CLUH: variants seen among roughly 807,000 people sequenced by gnomAD.
CLUH encodes CLUH binding protein of NUMT mRNA.
Under a neutral mutation model 139.3 loss-of-function variants are expected in CLUH, and 77 were observed. The observed-to-expected ratio is 0.55, with a 90% CI of 0.46 to 0.67. CLUH has a LOEUF of 0.67. Ranked by LOEUF, CLUH falls within the 30% of genes least tolerant of loss-of-function variation. CLUH has a pLI of 0.00. For missense variants in CLUH, 1,876 were observed against 1,875.8 expected (o/e 1.00, Z 0.00); for synonymous variants, 999 against 801.6 (o/e 1.25, Z -4.16).
At chr17:2,690,855 G>A (rs1358626136) in intron 25 of CLUH, 78 bp from the exon 26 acceptor site, 1 of 1,191,792 alleles carries the variant, frequency 8.4e-7, no homozygotes, top group Non-Finnish European at 1.1e-6. Flanking sequence ...TTTCCTGTGG[G>A]ATAAGCTCAG....
At position 2,698,165 on chromosome 17, in the gene CLUH, C is replaced by T. The variant is rs2070036044; in HGVS notation, c.1692G>A (p.Arg564=). ...CCTGGTGCCGCAGGATCTTGAGGGGCCGACTCGTGCGCTCCAGCAGCTCCA... is the reference window on the plus strand; with the variant it reads ...CCTGGTGCCGCAGGATCTTGAGGGGTCGACTCGTGCGCTCCAGCAGCTCCA... ...RYLELLERTS[R]PLKILRHQVL... The change falls in exon 10 of 26, where the codon CGG becomes CGA. Residue 564 remains arginine (R), a synonymous_variant. Transcript: ENST00000651024. 6.4e-7 allele frequency: 1 copy of T among 1,574,432 alleles called. No individual in the cohort carries two copies. The highest frequency in any genetic ancestry group is 8.6e-7 in the Non-Finnish European group (1 of 1,161,042).
Position 2,696,462 on chromosome 17 carries a change from A to C in CLUH, c.2262T>G (p.Ile754Met). The C allele has an allele frequency of 6.3e-7, 1 of 1,595,490 alleles. No individual in the cohort carries two copies. Among genetic ancestry groups the C allele is most frequent in the Non-Finnish European group, 8.5e-7 (1 of 1,172,494 alleles). ...VGSISSTAFD[I>M]RFNPDIFSPG... The stretch of plus-strand genomic sequence containing the variant: ...GTGAGAAGATGTCAGGATTGAAGCG[A>C]ATGTCGAAGGCGGTGCTGCTGATGG... Residue 754 changes from isoleucine (I) to methionine (M), a missense_variant, in exon 12 of 26, where the codon ATT becomes ATG. Transcript: ENST00000651024.
In CLUH at chr17:2,692,771, G is replaced by C. The variant is rs2069756212; in HGVS notation, c.3312+9C>G. On this transcript the variant is annotated intron_variant, in intron 20 of 25. Transcript: ENST00000651024. ...GCATCCCCCGGCGCGGGCGGCACTCGCGACTCACGTATTCCTGGATGGTGT... is the reference window on the plus strand; with the variant it reads ...GCATCCCCCGGCGCGGGCGGCACTCCCGACTCACGTATTCCTGGATGGTGT... 1.2e-6 allele frequency: 2 copies of C among 1,600,026 alleles called. No homozygotes were observed. Among genetic ancestry groups the C allele is most frequent in the South Asian group, 1.1e-5 (1 of 90,024 alleles).
In CLUH at chr17:2,702,033, C is replaced by T. The variant is rs764898710; in HGVS notation, c.500G>A (p.Arg167His). 3.7e-6 allele frequency: 6 copies of T among 1,613,570 alleles called. No homozygotes were observed. The highest frequency in any genetic ancestry group is 5.1e-6 in the Non-Finnish European group (6 of 1,179,806). ...GTCTCGGACATGGCGCACGTGGATGCGGGCCTCACGCACCGTGTACGGCTC... is the reference window on the plus strand; with the variant it reads ...GTCTCGGACATGGCGCACGTGGATGTGGGCCTCACGCACCGTGTACGGCTC... ...VEEPYTVREA[R>H]IHVRHVRDLL... The change falls in exon 4 of 26, where the codon CGC (arginine) becomes CAC (histidine). Residue 167 changes from arginine (R) to histidine (H), a missense_variant. Physicochemically the swap from Arg to His is conservative, Grantham distance 29. This residue lies in a region of CLUH where 270 missense variants were observed against 354.7 expected (regional missense o/e 0.76). Transcript: ENST00000651024.
intron 19 of CLUH, 29 bp from the exon 20 acceptor site, chr17:2,692,889 G>A (rs1240427778): frequency 1.3e-6 from 2 of 1,548,174 alleles, no homozygotes; most frequent in Non-Finnish European, 1.7e-6. Context: ...GGTTGCCGCG[G>A]CGTGGGAACC....
intron 1 of CLUH, among the ~76,000 whole-genome samples, chr17:2,705,181 G>A (rs1567597751): frequency 1.3e-5 from 2 of 152,170 alleles, no homozygotes; most frequent in African/African-American, 2.4e-5. Context: ...CTGAAGCCTC[G>A]TCTTGCAGGG....
In CLUH at chr17:2,704,362, C is replaced by T. The variant is rs1326819464; in HGVS notation, c.303G>A (p.Gln101=). ...LAPGIEPFSL[Q]VSPQEMVQEI... ...CCCAGCACCCGTTCCTCCATCTTAC[C>T]TGCAGGGAGAAGGGCTCGATCCCAG... The change falls in exon 2 of 26, where the codon CAG becomes CAA. Residue 101 remains glutamine, a splice_region_variant and synonymous_variant. Coordinates refer to ENST00000651024, the MANE Select transcript of CLUH (RefSeq NM_001366661.1). This position sits in a 1 kb window ranked among gnomAD's most constrained non-coding sequence, Gnocchi z 5.7. 6.2e-7 allele frequency: 1 copy of T among 1,609,576 alleles called. No homozygotes were observed. Among genetic ancestry groups the T allele is most frequent in the Non-Finnish European group, 8.5e-7 (1 of 1,178,090 alleles).
chr17:2,692,555 C>T lies in CLUH; in HGVS notation c.3438+16G>A, dbSNP rs545119590. ...ATGGAGCTGGGTCCCTGCCGCCCCC[C>T]CGCCCCAGCACTCACGTCCAGCAGC... On this transcript the variant is annotated intron_variant, in intron 21 of 25. Coordinates refer to ENST00000651024, the MANE Select transcript of CLUH (RefSeq NM_001366661.1). 4.4e-6 allele frequency: 7 copies of T among 1,606,416 alleles called. No individual in the cohort carries two copies. Among genetic ancestry groups the T allele is most frequent in the African/African-American group, 1.3e-5 (1 of 74,942 alleles).
chr17:2,704,272 C>T lies in CLUH; in HGVS notation c.303+90G>A. 7.3e-7 allele frequency: 1 copy of T among 1,362,144 alleles called. No homozygotes were observed. The highest frequency in any genetic ancestry group is 2.5e-5 in the East Asian group (1 of 39,858). 84.4% of individuals were successfully genotyped at this position (1,362,144 alleles called of 1,614,324 possible). ...CTCAGTTTCCTGCCACAAAATGGGG[C>T]CGGTAGGAGCACGAGCAAGGCTGAG... On this transcript the variant is annotated intron_variant, in intron 2 of 25. Transcript: ENST00000651024. The surrounding 1 kb of genome is among the most constrained non-coding windows in gnomAD (Gnocchi z 5.7).
At chr17:2,702,083 G>A (rs1478698205) in intron 3 of CLUH, 26 bp from the exon 4 acceptor site, 1 of 1,609,550 alleles carries the variant, frequency 6.2e-7, no homozygotes, top group South Asian at 1.1e-5. Context: ...GGAGGGTATG[G>A]CGTTACCAGG....
chr17:2,697,936 A>G lies in CLUH; in HGVS notation c.1921T>C (p.Cys641Arg). 1 of 1,548,678 alleles carries G rather than the reference A, an allele frequency of 6.5e-7. No individual in the cohort carries two copies. Residue 641 changes from cysteine (C) to arginine (R), a missense_variant, in exon 10 of 26, where the codon TGC becomes CGC. Coordinates refer to ENST00000651024, the MANE Select transcript of CLUH (RefSeq NM_001366661.1). ...FPRAHRHKLC[C>R]LRQELVDAFV... ...GCGTCCACCAGCTCCTGGCGCAGGC[A>G]GCAGAGCTTGTGCCGGTGGGCGCGG... is the stretch of plus-strand genomic sequence containing the variant.
intron 9 of CLUH, among the ~76,000 whole-genome samples, chr17:2,699,329 G>A (rs1171269786): frequency 1.3e-5 from 2 of 152,124 alleles, no homozygotes; most frequent in Admixed American, 6.6e-5. Flanking sequence ...AACTATGGGA[G>A]GTTGGTTGTT....
At position 2,700,806 on chromosome 17, in the gene CLUH, C is replaced by T; in HGVS notation, c.1045G>A (p.Glu349Lys). 3 of 1,527,850 alleles carry T rather than the reference C, an allele frequency of 2.0e-6. No homozygotes were observed. The highest frequency in any genetic ancestry group is 2.6e-6 in the Non-Finnish European group (3 of 1,143,316). 94.6% of individuals were successfully genotyped at this position (1,527,850 alleles called of 1,614,324 possible). The change falls in exon 8 of 26, where the codon GAG becomes AAG. Residue 349 changes from glutamate to lysine, a missense_variant. Physicochemically the swap from Glu to Lys is moderately conservative, Grantham distance 56 (BLOSUM62 1). Around this residue, in one of 3 missense-constraint regions of CLUH, gnomAD observed 270 missense variants for 354.7 expected, o/e 0.76. Coordinates refer to ENST00000651024, the MANE Select transcript of CLUH (RefSeq NM_001366661.1). ...QKKRVQRHPFERIATPFQVYS... is the reference protein window; with the variant it reads ...QKKRVQRHPFKRIATPFQVYS... ...ACCTGGAATGGGGTGGCGATCCTCT[C>T]GAACGGGTGGCGCTGGACCCTGTGG...
intron 9 of CLUH, among the ~76,000 whole-genome samples, chr17:2,699,565 T>C (rs1404236871): frequency 6.6e-6 from 1 of 151,856 alleles, no homozygotes; most frequent in Non-Finnish European, 1.5e-5. Context: ...TGGGCTCAAG[T>C]GATCTGCCTG....
Position 2,703,477 on chromosome 17 carries a change from C to T in CLUH, c.316G>A (p.Glu106Lys), listed in dbSNP as rs367955542. 7 of 1,613,172 alleles carry T rather than the reference C, an allele frequency of 4.3e-6. No homozygotes were observed. Among genetic ancestry groups the T allele is most frequent in the Non-Finnish European group, 5.9e-6 (7 of 1,179,680 alleles). The change falls in exon 3 of 26, where the codon GAG becomes AAG. Residue 106 changes from glutamate (E) to lysine (K), a missense_variant. Transcript: ENST00000651024. This position sits in a 1 kb window ranked among gnomAD's most constrained non-coding sequence, Gnocchi z 4.2. ...ACCTGGTGAATCTCCTGCACCATCT[C>T]CTGGGGGGACACCTGCAGGGAGAAG... ...EPFSLQVSPQEMVQEIHQVLM... is the reference protein window; with the variant it reads ...EPFSLQVSPQKMVQEIHQVLM...
rs753306124 is a variant in CLUH at position 2,692,660 on chromosome 17, G to T, written c.3349C>A (p.Leu1117Met). 3.1e-6 allele frequency: 5 copies of T among 1,612,402 alleles called. No individual in the cohort carries two copies. The Admixed American group carries it at 8.3e-5, about 27-fold the overall frequency. The change falls in exon 21 of 26, where the codon CTG becomes ATG. Residue 1117 changes from leucine to methionine, a missense_variant. Transcript: ENST00000651024. Reference sequence around the variant, plus strand: ...TACAGCAGGCTCAGGGCGGTGGACAGCTGGCTGCTGGCGAAGCAGTACAGG... The same window carrying T: ...TACAGCAGGCTCAGGGCGGTGGACATCTGGCTGCTGGCGAAGCAGTACAGG... ...LALYCFASSQ[L>M]STALSLLYRA...
In CLUH at chr17:2,707,936, C is replaced by G; in HGVS notation, c.101-3372G>C. ...TTCCCAGAGGACAACTGCACCCGTG[C>G]CCCTGGCCTCCAGGCTCCATCAAGA... On this transcript the variant is annotated intron_variant, in intron 1 of 25. Coordinates refer to ENST00000651024, the MANE Select transcript of CLUH (RefSeq NM_001366661.1). The surrounding 1 kb of genome is among the most constrained non-coding windows in gnomAD (Gnocchi z 7.4). 2.0e-6 allele frequency: 2 copies of G among 985,446 alleles called. No homozygotes were observed. Among genetic ancestry groups the G allele is most frequent in the Non-Finnish European group, 2.4e-6 (2 of 829,920 alleles). The allele number at this position is 985,446 out of a possible 1,614,324, so 61.0% of individuals were successfully genotyped here.
At chr17:2,695,343 C>G in intron 14 of CLUH, 31 bp downstream of exon 14, 1 of 1,613,180 alleles carries the variant, frequency 6.2e-7, no homozygotes, top group Non-Finnish European at 8.5e-7. Context: ...TCCCACAGCT[C>G]CCGTTCCGCC....
At chr17:2,698,616 T>G (rs1444061352) in intron 9 of CLUH, 26 bp from the exon 10 acceptor site, 1 of 1,543,800 alleles carries the variant, frequency 6.5e-7, no homozygotes, top group Non-Finnish European at 8.7e-7. Context: ...GAGGGCAGGG[T>G]TAGAGGCCGC....
Sources: gnomAD v4.1 joint callset for allele counts (sites outside exome capture counted in the v4.1 genomes callset) on GRCh38, gnomAD v4.1.1 for gene constraint, gnomAD v4.1.1 regional missense constraint, Gnocchi (gnomAD v3.1) non-coding constraint, MANE v1.5 for transcripts, NCBI Gene and HGNC (gene_info 2026-07-23, HGNC 2026-07-21) for gene names.